Variants in QSOX1 observed in about 807,000 individuals in gnomAD.
QSOX1 encodes the protein sulfhydryl oxidase 1.
A neutral mutation model predicts 76.1 loss-of-function variants in QSOX1; 40 were observed. The observed-to-expected ratio is 0.53, with a 90% CI of 0.41 to 0.68. The LOEUF is 0.68. Among genes scored for constraint, QSOX1 ranks in the 30% least tolerant of loss-of-function variants. QSOX1 has a pLI of 0.00. For missense variants in QSOX1, 931 were observed against 974.3 expected, an observed-to-expected ratio of 0.96 and a Z score of 0.59; for synonymous variants, 392 against 413.1, an observed-to-expected ratio of 0.95 and a Z score of 0.62.
At chr1:180,160,371 T>C (rs1662466530) in intron 1 of QSOX1, among the ~76,000 whole-genome samples, 1 of 151,244 alleles carries the variant, frequency 6.6e-6, no homozygotes, top group Admixed American at 6.6e-5. Context: ...TATTATCTAG[T>C]ATCCCATGAC....
chr1:180,195,705 C>T (rs1396583916), intron 11 of QSOX1, among the ~76,000 whole-genome samples: 1 of 152,202 alleles, frequency 6.6e-6, no homozygotes, highest in Non-Finnish European at 1.5e-5. Context: ...ACCCCTACCC[C>T]AGAGGGCTGC....
chr1:180,178,508 G>A (rs776161839), intron 4 of QSOX1, among the ~76,000 whole-genome samples: 17 of 152,254 alleles, frequency 1.1e-4, no homozygotes, highest in Non-Finnish European at 1.5e-4. Context: ...GATTACAGGC[G>A]TGAGCCACCG....
At chr1:180,174,977 C>T (rs976254539) in intron 2 of QSOX1, among the ~76,000 whole-genome samples, 1 of 151,884 alleles carries the variant, frequency 6.6e-6, no homozygotes, top group Non-Finnish European at 1.5e-5. Context: ...CAGTGAAACC[C>T]CATCTCTACT....
In QSOX1 at chr1:180,197,289, C is replaced by T. The variant is rs771003105; in HGVS notation, c.*252C>T. On this transcript the variant is annotated 3_prime_UTR_variant, in exon 12 of 12. Transcript: ENST00000367602. ...GCAGCCCCGGGCAGTGGGCATAGGG[C>T]AGCTCAGTCCCTGGCCTCTTAGCAC... 3.7e-6 allele frequency: 6 copies of T among 1,613,612 alleles called. No individual in the cohort carries two copies. The South Asian group carries it at 6.6e-5, about 18-fold the overall frequency.
Position 180,190,461 on chromosome 1 carries a change from G to A in QSOX1, c.1169G>A (p.Trp390Ter). The change falls in exon 10 of 12, where the codon TGG (tryptophan) becomes TAG (stop). Residue 390 changes from tryptophan (W) to a stop codon, truncating the protein, a stop_gained. Transcript: ENST00000367602. LOFTEE classifies it high-confidence loss of function. Reference protein sequence around the residue: ...EGAVLAKKVNWIGCQGSEPHF... With the variant: ...EGAVLAKKVN ...GCCGTTCTTGCCAAGAAGGTGAACT[G>A]GATTGGCTGCCAGGGGAGTGAGCCG... 6.2e-7 allele frequency: 1 copy of A among 1,613,962 alleles called. No individual in the cohort carries two copies. The highest frequency in any genetic ancestry group is 8.5e-7 in the Non-Finnish European group (1 of 1,179,806).
At chr1:180,166,816 A>G (rs931112746) in intron 2 of QSOX1, among the ~76,000 whole-genome samples, 1 of 152,190 alleles carries the variant, frequency 6.6e-6, no homozygotes, top group Admixed American at 6.5e-5. Flanking sequence ...CTAACTCTAT[A>G]AAACCAGGAT....
rs1358068605 is a variant in QSOX1, at chr1:180,196,781, G to A, written c.1988G>A (p.Trp663Ter). Reference sequence around the variant, plus strand: ...TCCAGGGCTGAGAAGAACCGCCTCTGGGGCCCTTTGGAGGTCAGGCGCGTG... The same window carrying A: ...TCCAGGGCTGAGAAGAACCGCCTCTAGGGCCCTTTGGAGGTCAGGCGCGTG... ...AESRAEKNRL[W>*]GPLEVRRVGR... The change falls in exon 12 of 12, where the codon TGG becomes TAG. Residue 663 changes from tryptophan to a stop codon, truncating the protein, a stop_gained. Coordinates refer to ENST00000367602, the MANE Select transcript of QSOX1 (RefSeq NM_002826.5). LOFTEE classifies it high-confidence loss of function. The surrounding 1 kb of genome is among the most constrained non-coding windows in gnomAD (Gnocchi z 4.1). The A allele has an allele frequency of 6.2e-7, 1 of 1,614,030 alleles. No individual in the cohort carries two copies. Among genetic ancestry groups the A allele is most frequent in the African/African-American group, 1.3e-5 (1 of 74,936 alleles).
At chr1:180,172,072 T>C (rs1228594164) in intron 2 of QSOX1, among the ~76,000 whole-genome samples, 1 of 152,126 alleles carries the variant, frequency 6.6e-6, no homozygotes, top group East Asian at 1.9e-4. Flanking sequence ...GCAGACGCTG[T>C]TCCAGGAACA....
intron 6 of QSOX1, 137 bp from the exon 7 acceptor site, chr1:180,183,779 C>A: frequency 9.7e-7 from 1 of 1,030,256 alleles, no homozygotes; most frequent in Non-Finnish European, 1.4e-6. Context: ...TCACAGAGGA[C>A]AAGATGGAAT....
At chr1:180,181,177 A>G (rs1354184863) in intron 5 of QSOX1, among the ~76,000 whole-genome samples, 1 of 152,234 alleles carries the variant, frequency 6.6e-6, no homozygotes, top group Non-Finnish European at 1.5e-5. Flanking sequence ...CTTTCTAAAA[A>G]AAATAATGAT....
At chr1:180,193,714 A>G (rs1663381827) in intron 10 of QSOX1, among the ~76,000 whole-genome samples, 1 of 149,956 alleles carries the variant, frequency 6.7e-6, no homozygotes. Flanking sequence ...GGTGGGGGGA[A>G]TGGAAGGGGA....
At position 180,154,946 on chromosome 1, in the gene QSOX1, G is replaced by C; in HGVS notation, c.39G>C (p.Ser13=). 1 of 1,427,744 alleles carries C rather than the reference G, an allele frequency of 7.0e-7. No individual in the cohort carries two copies. Among genetic ancestry groups the C allele is most frequent in the Non-Finnish European group, 9.2e-7 (1 of 1,090,566 alleles). The allele number at this position is 1,427,744 out of a possible 1,614,324, so 88.4% of individuals were successfully genotyped here. A position where few individuals can be genotyped will look rare whatever the true frequency, so the allele number is the denominator to read the frequency against. ...RCNSGSGPPP[S]LLLLLLWLLA... ...ACAGCGGCTCCGGGCCGCCGCCGTC[G>C]CTGCTGCTGCTGCTGCTGTGGCTGC... The change falls in exon 1 of 12, where the codon TCG becomes TCC. Residue 13 remains serine, a synonymous_variant. Coordinates refer to ENST00000367602, the MANE Select transcript of QSOX1 (RefSeq NM_002826.5).
chr1:180,196,863 T>A lies in QSOX1; in HGVS notation c.2070T>A (p.Ala690=). The change falls in exon 12 of 12, where the codon GCT becomes GCA. Residue 690 remains alanine, a synonymous_variant. Transcript: ENST00000367602. This position sits in a 1 kb window ranked among gnomAD's most constrained non-coding sequence, Gnocchi z 4.1. The part of the protein sequence containing the change: ...DIPEGQLEAR[A]GRGRGQWLQV... ...CTGAGGGCCAGCTGGAGGCCCGAGC[T>A]GGACGGGGCCGAGGCCAGTGGCTGC... 1.9e-6 allele frequency: 3 copies of A among 1,601,366 alleles called. No individual in the cohort carries two copies. The highest frequency in any genetic ancestry group is 2.6e-6 in the Non-Finnish European group (3 of 1,172,104).
chr1:180,164,720 ACGT>A (rs918771349), intron 1 of QSOX1, among the ~76,000 whole-genome samples: 1 of 152,176 alleles, frequency 6.6e-6, no homozygotes, highest in Admixed American at 6.5e-5. Context: ...TTCTTCTGAG[ACGT>A]CGTAAGGAGT....
intron 1 of QSOX1, among the ~76,000 whole-genome samples, chr1:180,161,055 C>A (rs1313209885): frequency 6.6e-6 from 1 of 152,008 alleles, no homozygotes; most frequent in Non-Finnish European, 1.5e-5. Context: ...TATAGTCACC[C>A]CCATTTCTAC....
rs1264372061 is a variant in QSOX1, at chr1:180,198,787, CAG to C, written c.*1752_*1753del. ...TGGCCCTGGCTGGGGGCCTGAGAGA[CAG>C]ACAGGAACCCACAATCAGGAGGCAA... On this transcript the variant is annotated 3_prime_UTR_variant, in exon 12 of 12. Coordinates refer to ENST00000367602, the MANE Select transcript of QSOX1 (RefSeq NM_002826.5). 1 of 227,826 alleles carries C rather than the reference CAG, an allele frequency of 4.4e-6. No homozygotes were observed. Among genetic ancestry groups the C allele is most frequent in the Non-Finnish European group, 8.9e-6 (1 of 111,918 alleles). The allele number at this position is 227,826 out of a possible 1,614,324, so 14.1% of individuals were successfully genotyped here.
rs375987559 is a variant in QSOX1 at position 180,182,184 on chromosome 1, A to G, written c.617A>G (p.Asp206Gly). The G allele has an allele frequency of 1.2e-6, 2 of 1,613,912 alleles. No homozygotes were observed. Among genetic ancestry groups the G allele is most frequent in the African/African-American group, 2.7e-5 (2 of 74,896 alleles). The change falls in exon 6 of 12, where the codon GAC becomes GGC. Residue 206 changes from aspartate (D) to glycine (G), a missense_variant. Coordinates refer to ENST00000367602, the MANE Select transcript of QSOX1 (RefSeq NM_002826.5). ...CTGCTGTCCCTGCAGGTGGCTCTGG[A>G]CCTGTCCCAGCACAAAGGCGTGGCG... ...GSYLGREVAL[D>G]LSQHKGVAVR...
intron 1 of QSOX1, among the ~76,000 whole-genome samples, chr1:180,163,802 G>A (rs961727359): frequency 1.3e-5 from 2 of 152,194 alleles, no homozygotes; most frequent in Non-Finnish European, 2.9e-5. Flanking sequence ...AATAGAGATT[G>A]ACATAATCAG....
In QSOX1 at chr1:180,166,538, A is replaced by G; in HGVS notation, c.313A>G (p.Thr105Ala). 1 of 1,614,056 alleles carries G rather than the reference A, an allele frequency of 6.2e-7. No individual in the cohort carries two copies. The highest frequency in any genetic ancestry group is 2.2e-5 in the East Asian group (1 of 44,868). ...YLAALDCAEE[T>A]NSAVCRDFNI... is the part of the protein sequence containing the mutation. ...CGCCGCCCTGGACTGTGCTGAGGAGACCAACAGTGCAGTCTGCAGAGACTT... is the reference window on the plus strand; with the variant it reads ...CGCCGCCCTGGACTGTGCTGAGGAGGCCAACAGTGCAGTCTGCAGAGACTT... The change falls in exon 2 of 12, where the codon ACC becomes GCC. Residue 105 changes from threonine (T) to alanine (A), a missense_variant. By Grantham distance (58) the Thr-to-Ala change is moderately conservative (BLOSUM62 0). Transcript: ENST00000367602.
Sources: gnomAD v4.1 joint callset for allele counts (sites outside exome capture counted in the v4.1 genomes callset) on GRCh38, gnomAD v4.1.1 for gene constraint, Gnocchi (gnomAD v3.1) non-coding constraint, MANE v1.5 for transcripts, NCBI Gene and HGNC (gene_info 2026-07-23, HGNC 2026-07-21) for gene names.